The following PTPRM variants were observed in gnomAD, a reference collection of about 807,000 sequenced individuals.
PTPRM encodes protein tyrosine phosphatase receptor type M, also known as receptor-type tyrosine-protein phosphatase mu.
Under a neutral mutation model 186.7 loss-of-function variants are expected in PTPRM, and 47 were observed. The observed-to-expected ratio is 0.25, with a 90% CI of 0.20 to 0.32. The LOEUF (loss-of-function observed/expected upper bound fraction) is 0.32, where lower values mean the gene tolerates loss of function less well. PTPRM is among the 10% of genes least tolerant of loss of function. The pLI, the probability that PTPRM is intolerant of heterozygous loss-of-function variation, is 1.00. For missense variants in PTPRM, 1,494 were observed against 1,865.0 expected, an observed-to-expected ratio of 0.80 and a Z score of 3.66; for synonymous variants, 668 against 674.9, an observed-to-expected ratio of 0.99 and a Z score of 0.16.
chr18:7,750,824 T>A (rs964629182), intron 1 of PTPRM, among the ~76,000 whole-genome samples: 1 of 152,128 alleles, frequency 6.6e-6, no homozygotes, highest in Non-Finnish European at 1.5e-5. Flanking sequence ...CGGCTATGCA[T>A]TTCAACATCC....
At chr18:8,073,907 A>G (rs2089645588) in intron 8 of PTPRM, among the ~76,000 whole-genome samples, 1 of 152,176 alleles carries the variant, frequency 6.6e-6, no homozygotes, top group Non-Finnish European at 1.5e-5. Flanking sequence ...CCTATTTCCA[A>G]AAAACAAAAA....
chr18:8,333,659 T>C (rs1000277674), intron 22 of PTPRM, among the ~76,000 whole-genome samples: 2 of 152,328 alleles, frequency 1.3e-5, no homozygotes, highest in African/African-American at 4.8e-5. Flanking sequence ...TTTATTCCTG[T>C]AGCAAGAGCT....
chr18:8,198,885 G>A (rs1170207905), intron 14 of PTPRM, among the ~76,000 whole-genome samples: 1 of 152,124 alleles, frequency 6.6e-6, no homozygotes, highest in Non-Finnish European at 1.5e-5. Context: ...GGCTGGCTGG[G>A]CTAATTTGTC....
rs76323012 is a variant in PTPRM, at chr18:8,056,254, C to T, written c.1133-13432C>T. On this transcript the variant is annotated intron_variant, in intron 7 of 32. Transcript: ENST00000580170. ...CATAAACCTTTGTCAAATACAGTTG[C>T]TATAGCCAAAGAAAGAAATAGTTCT... Among the ~76,000 whole-genome samples the T allele has an allele frequency of 4.3e-3, 653 of 152,212 alleles. 5 individuals carry two copies. The highest frequency in any genetic ancestry group is 0.015 in the African/African-American group (623 of 41,532).
At position 8,126,023 on chromosome 18, in the gene PTPRM, A is replaced by ATTTTTTTT. The variant is rs1345519818; in HGVS notation, c.2167+11197_2167+11198insTTTTTTTT. 2.2e-3 allele frequency among the ~76,000 whole-genome samples: 101 copies of ATTTTTTTT among 45,998 alleles called. 9 individuals are homozygous for ATTTTTTTT. Among genetic ancestry groups the ATTTTTTTT allele is most frequent in the Admixed American group, 2.8e-3 (8 of 2,856 alleles). The allele number at this position is 45,998 out of a possible 152,430, so 30.2% of individuals were successfully genotyped here. A position where few individuals can be genotyped will look rare whatever the true frequency, so the allele number is the denominator to read the frequency against. ...TATATATATATATATATATATATATATATATTTTAAATCAGTAGACCTTTC... is the reference window on the plus strand; with the variant it reads ...TATATATATATATATATATATATATATTTTTTTTTATATTTTAAATCAGTAGACCTTTC... On this transcript the variant is annotated intron_variant, in intron 13 of 32. Transcript: ENST00000580170.
At chr18:8,155,757 C>G (rs1169792892) in intron 14 of PTPRM, among the ~76,000 whole-genome samples, 1 of 152,214 alleles carries the variant, frequency 6.6e-6, no homozygotes, top group African/African-American at 2.4e-5. Flanking sequence ...TTGACATTAA[C>G]TATAGTTCCC....
At chr18:7,908,321 G>A (rs1256268133) in intron 4 of PTPRM, among the ~76,000 whole-genome samples, 1 of 152,106 alleles carries the variant, frequency 6.6e-6, no homozygotes, top group African/African-American at 2.4e-5. Context: ...AGAGAAACTG[G>A]CTAGTTCATA....
intron 7 of PTPRM, among the ~76,000 whole-genome samples, chr18:8,027,578 A>G (rs904307383): frequency 6.6e-6 from 1 of 152,224 alleles, no homozygotes; most frequent in African/African-American, 2.4e-5. Context: ...ATATGTGTAT[A>G]AAAGTACTTG....
chr18:8,290,754 T>C, intron 19 of PTPRM, among the ~76,000 whole-genome samples: 1 of 152,210 alleles, frequency 6.6e-6, no homozygotes, highest in East Asian at 1.9e-4. Context: ...CTCTTCGCAG[T>C]ATATATGAGC....
chr18:7,770,742 G>A (rs2042234513), intron 1 of PTPRM, among the ~76,000 whole-genome samples: 1 of 152,170 alleles, frequency 6.6e-6, no homozygotes, highest in African/African-American at 2.4e-5. Context: ...TGAAAGCTTA[G>A]TTGTTCTTTC....
chr18:7,951,663 G>A (rs113413141), intron 6 of PTPRM, among the ~76,000 whole-genome samples: 9 of 152,194 alleles, frequency 5.9e-5, no homozygotes, highest in African/African-American at 2.2e-4. Flanking sequence ...CAATTTGCAT[G>A]CAGTTAGGAC....
chr18:8,042,960 C>G (rs899126711), intron 7 of PTPRM, among the ~76,000 whole-genome samples: 2 of 152,170 alleles, frequency 1.3e-5, no homozygotes, highest in African/African-American at 4.8e-5. Flanking sequence ...CCCCTCTTCA[C>G]TCCGTCTCAA....
intron 1 of PTPRM, among the ~76,000 whole-genome samples, chr18:7,687,212 A>G (rs1460135872): frequency 3.9e-5 from 6 of 152,200 alleles, no homozygotes; most frequent in Admixed American, 3.9e-4. Context: ...ATCACTTTTG[A>G]TAGCACAGAA....
intron 22 of PTPRM, among the ~76,000 whole-genome samples, chr18:8,325,963 C>T (rs73382214): frequency 2.6e-5 from 4 of 152,006 alleles, no homozygotes; most frequent in African/African-American, 4.8e-5. Flanking sequence ...ACTTGCTGGC[C>T]GCATGGTACC....
intron 2 of PTPRM, among the ~76,000 whole-genome samples, chr18:7,823,066 C>A (rs899547715): frequency 6.6e-6 from 1 of 152,164 alleles, no homozygotes; most frequent in African/African-American, 2.4e-5. Flanking sequence ...ACAAGAGTCT[C>A]CCCTGGTTGA....
At chr18:7,584,763 C>T (rs2036933510) in intron 1 of PTPRM, among the ~76,000 whole-genome samples, 1 of 152,206 alleles carries the variant, frequency 6.6e-6, no homozygotes, top group African/African-American at 2.4e-5. Flanking sequence ...ACAATGCTTA[C>T]CTAGCACTGA....
intron 1 of PTPRM, among the ~76,000 whole-genome samples, chr18:7,588,455 A>C (rs1227633687): frequency 6.6e-6 from 1 of 152,228 alleles, no homozygotes; most frequent in African/African-American, 2.4e-5. Flanking sequence ...ATAGATTTTA[A>C]TGATCTTACT....
chr18:7,767,338 G>A (rs1446081), intron 1 of PTPRM, among the ~76,000 whole-genome samples: 71,752 of 152,006 alleles, frequency 0.47, 18,429 homozygotes, highest in East Asian at 0.86. Flanking sequence ...AAAGTGTACA[G>A]ATGATTTACG....
chr18:7,997,674 A>G (rs1173084118), intron 7 of PTPRM, among the ~76,000 whole-genome samples: 1 of 152,148 alleles, frequency 6.6e-6, no homozygotes, highest in Admixed American at 6.6e-5. Flanking sequence ...AACTCAAACA[A>G]CCCAACAACA....
Sources: allele counts gnomAD v4.1 joint callset (sites outside exome capture counted in the v4.1 genomes callset), GRCh38; gene constraint gnomAD v4.1.1; transcripts MANE v1.5; gene names NCBI Gene and HGNC (gene_info 2026-07-23, HGNC 2026-07-21).